The following KCNAB2 variants were observed in gnomAD, a reference collection of about 807,000 sequenced individuals.
The protein encoded by KCNAB2 is potassium voltage-gated channel subfamily A regulatory beta subunit 2.
In KCNAB2, 29 loss-of-function variants were observed where a neutral mutation model predicts 63.6. The observed-to-expected ratio is 0.46, with a 90% CI of 0.34 to 0.62. KCNAB2 has a LOEUF of 0.62. Ranked by LOEUF, KCNAB2 falls within the 20% of genes least tolerant of loss-of-function variation. The pLI is 0.01. For synonymous variants in KCNAB2, 222 were observed against 224.2 expected (o/e 0.99, Z 0.09); for missense variants, 359 against 563.9 (o/e 0.64, Z 3.68).
upstream of KCNAB2, among the ~76,000 whole-genome samples, chr1:6,042,472 A>C (rs1306561705): frequency 6.6e-6 from 1 of 152,192 alleles, no homozygotes; most frequent in Non-Finnish European, 1.5e-5. Context: ...TGCCAGGCTT[A>C]GGGCCCTGCA....
chr1:6,027,305 G>C (rs1264471103), intron 1 of KCNAB2: 1 of 154,604 alleles, frequency 6.5e-6, no homozygotes. Context: ...CGGGGGCCTG[G>C]GTGTGCGGCT....
chr1:6,028,707 G>C lies in KCNAB2; in HGVS notation c.-52-11810G>C, dbSNP rs1357563227. Reference sequence around the variant, plus strand: ...TGGTTACAGAGGTGAATCTGGGGGAGAGTCCATCGTTGGTGTTGCTCCACT... The same window carrying C: ...TGGTTACAGAGGTGAATCTGGGGGACAGTCCATCGTTGGTGTTGCTCCACT... On this transcript the variant is annotated intron_variant, in intron 1 of 16. Coordinates refer to the KCNAB2 transcript ENST00000341524. The surrounding 1 kb of genome is among the most constrained non-coding windows in gnomAD (Gnocchi z 4.0). Among the ~76,000 whole-genome samples the C allele has an allele frequency of 6.6e-6, 1 of 152,242 alleles. No homozygotes were observed. Among genetic ancestry groups the C allele is most frequent in the Non-Finnish European group, 1.5e-5 (1 of 68,034 alleles).
At chr1:6,091,523 T>C (rs1355949465) in intron 10 of KCNAB2, among the ~76,000 whole-genome samples, 1 of 142,182 alleles carries the variant, frequency 7.0e-6, no homozygotes, top group Non-Finnish European at 1.5e-5. Flanking sequence ...CCCTCGTTCC[T>C]CCTTCCTCCC....
rs1388177530 is a variant in KCNAB2 at position 6,002,042 on chromosome 1, GCTGTCCCCATCACCT to G, written c.-53+9263_-53+9277del. Among the ~76,000 whole-genome samples the G allele has an allele frequency of 2.6e-5, 4 of 152,186 alleles. No individual in the cohort carries two copies. In the East Asian group the frequency reaches 7.7e-4, roughly 29 times the overall value. ...GGCCTCGTGAGGACAGAACATGCCT[GCTGTCCCCATCACCT>G]CTGTCCCCCAGCTCAGCCTGACTGG... On this transcript the variant is annotated intron_variant, in intron 1 of 16. Transcript: ENST00000341524.
intron 4 of KCNAB2, among the ~76,000 whole-genome samples, chr1:6,077,974 G>A (rs1318399479): frequency 6.6e-6 from 1 of 152,178 alleles, no homozygotes; most frequent in Non-Finnish European, 1.5e-5. Context: ...TCACAGCTCT[G>A]GGGTCCAGAG....
At chr1:6,039,223 G>A (rs765758372) in intron 1 of KCNAB2, among the ~76,000 whole-genome samples, 94 of 152,348 alleles carry the variant, frequency 6.2e-4, no homozygotes, top group African/African-American at 1.7e-3. Context: ...TGAGCTCAGC[G>A]TGCTGGGAAG....
At chr1:6,022,188 T>C (rs1438237991) in intron 1 of KCNAB2, among the ~76,000 whole-genome samples, 2 of 151,530 alleles carry the variant, frequency 1.3e-5, no homozygotes, top group Admixed American at 6.6e-5. Context: ...TTCAGTGGTA[T>C]TGAGTGCGTA....
At chr1:6,014,043 AC>A (rs1658344393) in intron 1 of KCNAB2, among the ~76,000 whole-genome samples, 1 of 152,184 alleles carries the variant, frequency 6.6e-6, no homozygotes, top group South Asian at 2.1e-4. Context: ...TGTGCCTAAA[AC>A]ATAGTACTAA....
Position 6,100,318 on chromosome 1 carries a change from G to C in KCNAB2, c.*1744G>C. The C allele has an allele frequency of 2.8e-6, 1 of 358,120 alleles. No homozygotes were observed. Among genetic ancestry groups the C allele is most frequent in the South Asian group, 8.5e-5 (1 of 11,760 alleles). 22.2% of individuals were successfully genotyped at this position (358,120 alleles called of 1,614,324 possible). A position where few individuals can be genotyped will look rare whatever the true frequency, so the allele number is the denominator to read the frequency against. ...CCCTCCTCATAGACCAAGTCCCGGG[G>C]GTCTCCACTCAGTCCTGCTGCCTGC... On this transcript the variant is annotated 3_prime_UTR_variant, in exon 16 of 16. Transcript: ENST00000378083.
rs1016361942 is a variant in KCNAB2, at chr1:6,099,883, G to A, written c.*1309G>A. The A allele has an allele frequency of 1.8e-5, 28 of 1,550,126 alleles. No homozygotes were observed. The highest frequency in any genetic ancestry group is 1.7e-4 in the Middle Eastern group (1 of 5,984). ...CGCCCCCGTGCAGCTTGGGCCGGAGGGCAAGGGATGCCAGTAAGTCTGCAG... is the reference window on the plus strand; with the variant it reads ...CGCCCCCGTGCAGCTTGGGCCGGAGAGCAAGGGATGCCAGTAAGTCTGCAG... On this transcript the variant is annotated 3_prime_UTR_variant, in exon 16 of 16. Transcript: ENST00000378083.
At chr1:6,037,647 A>G (rs1376256576) in intron 1 of KCNAB2, among the ~76,000 whole-genome samples, 1 of 152,192 alleles carries the variant, frequency 6.6e-6, no homozygotes, top group East Asian at 1.9e-4. Flanking sequence ...GTTTAACGAC[A>G]GTTTTTTAAC....
rs755637326 is a variant in KCNAB2 at position 6,086,119 on chromosome 1, C to T, written c.425+871C>T. 47 of 985,292 alleles carry T rather than the reference C, an allele frequency of 4.8e-5. No homozygotes were observed. Among genetic ancestry groups the T allele is most frequent in the Non-Finnish European group, 5.3e-5 (44 of 829,932 alleles). The allele number at this position is 985,292 out of a possible 1,614,324, so 61.0% of individuals were successfully genotyped here. On this transcript the variant is annotated intron_variant, in intron 6 of 15. Coordinates refer to ENST00000378083, the MANE Select transcript of KCNAB2 (RefSeq NM_001199862.2). This position sits in a 1 kb window ranked among gnomAD's most constrained non-coding sequence, Gnocchi z 4.2. ...TTTATCTCAAGGTGCTGACAAGCCC[C>T]GGGGCCCTGTTCCTTAATAAATGCG...
At chr1:6,054,402 G>T (rs936523616) in intron 2 of KCNAB2, among the ~76,000 whole-genome samples, 12 of 152,166 alleles carry the variant, frequency 7.9e-5, no homozygotes, top group African/African-American at 2.7e-4. Context: ...GGCCAAGACG[G>T]GTGGGTTACA....
At chr1:6,041,907 G>A, upstream of KCNAB2, 1 of 1,607,618 alleles carries the variant, frequency 6.2e-7, no homozygotes, top group South Asian at 1.1e-5. Context: ...AACCCAGCGA[G>A]CCGAAGGCCA....
rs1665682956 is a variant in KCNAB2, at chr1:6,096,842, G to A, written c.1069+86G>A. Reference sequence around the variant, plus strand: ...AGGTAACAGGGTGGGGTTGCCATGGGGCCAGTGTCTCCGGGGAGAGAGGGA... The same window carrying A: ...AGGTAACAGGGTGGGGTTGCCATGGAGCCAGTGTCTCCGGGGAGAGAGGGA... On this transcript the variant is annotated intron_variant, in intron 14 of 15. Coordinates refer to ENST00000378083, the MANE Select transcript of KCNAB2 (RefSeq NM_001199862.2). The surrounding 1 kb of genome is among the most constrained non-coding windows in gnomAD (Gnocchi z 5.9). 11 of 1,434,994 alleles carry A rather than the reference G, an allele frequency of 7.7e-6. No individual in the cohort carries two copies. The highest frequency in any genetic ancestry group is 9.3e-6 in the Non-Finnish European group (10 of 1,080,106). 88.9% of individuals were successfully genotyped at this position (1,434,994 alleles called of 1,614,324 possible). A position where few individuals can be genotyped will look rare whatever the true frequency, so the allele number is the denominator to read the frequency against.
intron 1 of KCNAB2, among the ~76,000 whole-genome samples, chr1:6,023,516 G>GTGGT (rs1325248482): frequency 6.6e-6 from 1 of 152,148 alleles, no homozygotes; most frequent in Non-Finnish European, 1.5e-5. Context: ...GTATCTCACT[G>GTGGT]TGGTTTTGAT....
chr1:6,066,757 G>C (rs1169578054), intron 2 of KCNAB2, among the ~76,000 whole-genome samples: 2 of 152,238 alleles, frequency 1.3e-5, no homozygotes, highest in Non-Finnish European at 2.9e-5. Flanking sequence ...GGTGAACCCT[G>C]TGATGGAATG....
Position 6,069,991 on chromosome 1 carries a change from C to A in KCNAB2, c.219-2764C>A, listed in dbSNP as rs1048499606. On this transcript the variant is annotated intron_variant, in intron 2 of 15. Coordinates refer to ENST00000378083, the MANE Select transcript of KCNAB2 (RefSeq NM_001199862.2). This position sits in a 1 kb window ranked among gnomAD's most constrained non-coding sequence, Gnocchi z 5.4. The stretch of plus-strand genomic sequence containing the variant: ...GGGGCAGGGGCACCTTTTGCCAGCC[C>A]TCCCCAAACTGGTGACCAAGGGGTG... Among the ~76,000 whole-genome samples, 1 of 152,212 alleles carries A rather than the reference C, an allele frequency of 6.6e-6. No homozygotes were observed. The highest frequency in any genetic ancestry group is 2.4e-5 in the African/African-American group (1 of 41,450).
At chr1:6,039,430 C>T (rs1452559700) in intron 1 of KCNAB2, among the ~76,000 whole-genome samples, 1 of 152,130 alleles carries the variant, frequency 6.6e-6, no homozygotes, top group African/African-American at 2.4e-5. Flanking sequence ...GGAGGGGACC[C>T]AGGGGTTCAG....
Sources: gnomAD v4.1 joint callset for allele counts (sites outside exome capture counted in the v4.1 genomes callset) on GRCh38, gnomAD v4.1.1 for gene constraint, Gnocchi (gnomAD v3.1) non-coding constraint, MANE v1.5 for transcripts, NCBI Gene and HGNC (gene_info 2026-07-23, HGNC 2026-07-21) for gene names.